The following RALGAPA1 variants were observed in gnomAD, a reference collection of about 807,000 sequenced individuals.
RALGAPA1 encodes the protein Ral GTPase activating protein catalytic subunit alpha 1.
RALGAPA1 carries 52 observed loss-of-function variants against 269.6 expected under a neutral mutation model. The observed-to-expected ratio is 0.19, with a 90% CI of 0.15 to 0.24. The LOEUF (loss-of-function observed/expected upper bound fraction) is 0.24, where lower values mean the gene tolerates loss of function less well. RALGAPA1 is among the 10% of genes least tolerant of loss of function. RALGAPA1 has a pLI of 1.00. For missense variants in RALGAPA1, 1,917 were observed against 3,013.9 expected (o/e 0.64, Z 8.52); for synonymous variants, 817 against 1,008.3 (o/e 0.81, Z 3.60).
chr14:35,597,955 G>A (rs947843695), intron 36 of RALGAPA1, among the ~76,000 whole-genome samples: 4 of 152,244 alleles, frequency 2.6e-5, no homozygotes, highest in African/African-American at 9.6e-5. Flanking sequence ...ATCTGTCTTG[G>A]TATATGTTCT....
In RALGAPA1 at chr14:35,761,140, TGAG is replaced by T. The variant is rs576311222; in HGVS notation, c.370-137_370-135del. ...GCAGGGTAGGGAAGGAAGGGGAAGT[TGAG>T]GAGAAGAGAGACAGCATCTATTGAA... On this transcript the variant is annotated intron_variant, in intron 5 of 41. Coordinates refer to ENST00000680220, the MANE Select transcript of RALGAPA1 (RefSeq NM_001346249.2). The T allele has an allele frequency of 3.1e-4, 179 of 576,392 alleles. No individual in the cohort carries two copies. The African/African-American group carries it at 3.1e-3, about 10-fold the overall frequency. 35.7% of individuals were successfully genotyped at this position (576,392 alleles called of 1,614,324 possible).
intron 26 of RALGAPA1, among the ~76,000 whole-genome samples, chr14:35,670,639 T>G (rs1435353472): frequency 2.0e-5 from 3 of 152,118 alleles, no homozygotes; most frequent in Non-Finnish European, 4.4e-5. Context: ...GAGAGTTTAC[T>G]CCTGGCTGGG....
Position 35,627,778 on chromosome 14 carries a change from G to C in RALGAPA1, c.6169C>G (p.Leu2057Val). ...AACTGGATATTTGGACTCTCAAAGA[G>C]TTCAGGAGAAAGTTCAGTACTTTCA... ...YSESTELSPE[L>V]FESPNIQFFV... Residue 2057 changes from leucine (L) to valine (V), a missense_variant, in exon 34 of 42, where the codon CTC becomes GTC. Transcript: ENST00000680220. 6.2e-7 allele frequency: 1 copy of C among 1,610,176 alleles called. No homozygotes were observed. Among genetic ancestry groups the C allele is most frequent in the Non-Finnish European group, 8.5e-7 (1 of 1,177,670 alleles).
intron 16 of RALGAPA1, 49 bp from the exon 17 acceptor site, chr14:35,700,351 C>A: frequency 2.1e-6 from 3 of 1,429,164 alleles, no homozygotes; most frequent in Non-Finnish European, 2.8e-6. Flanking sequence ...AGAAGAGTGA[C>A]TATAATGAAA....
chr14:35,705,291 T>C (rs1378554812), intron 16 of RALGAPA1, among the ~76,000 whole-genome samples: 1 of 152,150 alleles, frequency 6.6e-6, no homozygotes, highest in East Asian at 1.9e-4. Flanking sequence ...TTTCACATCT[T>C]TATTCTCTGT....
chr14:35,700,400 A>G, intron 16 of RALGAPA1, 98 bp from the exon 17 acceptor site: 1 of 893,024 alleles, frequency 1.1e-6, no homozygotes, highest in South Asian at 3.2e-5. Context: ...GAGAAAACTA[A>G]AAGGTACAAA....
intron 37 of RALGAPA1, among the ~76,000 whole-genome samples, chr14:35,593,870 A>G (rs1229571742): frequency 6.6e-6 from 1 of 151,684 alleles, no homozygotes; most frequent in African/African-American, 2.4e-5. Flanking sequence ...AAATAAATAA[A>G]ATATTATATT....
chr14:35,564,619 G>T (rs1339496119), intron 39 of RALGAPA1: 3 of 152,144 alleles, frequency 2.0e-5, no homozygotes, highest in African/African-American at 7.2e-5. Context: ...AATCTAAACA[G>T]ATTAGAAGAA....
intron 16 of RALGAPA1, among the ~76,000 whole-genome samples, chr14:35,705,177 A>G (rs938776254): frequency 2.0e-5 from 3 of 152,140 alleles, no homozygotes; most frequent in Admixed American, 6.5e-5. Flanking sequence ...GTATTGCTAA[A>G]GTCCATAGTT....
At chr14:35,654,591 T>G in intron 29 of RALGAPA1, 114 bp from the exon 30 acceptor site, 5 of 1,228,070 alleles carry the variant, frequency 4.1e-6, no homozygotes, top group Non-Finnish European at 5.4e-6. Context: ...ATCCTACATT[T>G]ATAGGTGATT....
intron 36 of RALGAPA1, among the ~76,000 whole-genome samples, chr14:35,599,523 T>C (rs549316424): frequency 2.0e-5 from 3 of 152,020 alleles, no homozygotes; most frequent in African/African-American, 4.8e-5. Flanking sequence ...GGTGGGAGGA[T>C]TGCCTGAGAA....
intron 16 of RALGAPA1, 80 bp from the exon 17 acceptor site, chr14:35,700,382 C>A: frequency 8.5e-7 from 1 of 1,175,272 alleles, no homozygotes; most frequent in Non-Finnish European, 1.1e-6. Context: ...ACAGAAAAAG[C>A]AGCAACAGAG....
At chr14:35,742,656 T>C in intron 10 of RALGAPA1, 91 bp from the exon 11 acceptor site, 1 of 914,684 alleles carries the variant, frequency 1.1e-6, no homozygotes, top group Non-Finnish European at 1.7e-6. Flanking sequence ...ACATCATAGA[T>C]TCTTGGAAAC....
At chr14:35,647,875 G>A (rs1341193468) in intron 31 of RALGAPA1, among the ~76,000 whole-genome samples, 2 of 152,112 alleles carry the variant, frequency 1.3e-5, no homozygotes, top group Admixed American at 1.3e-4. Flanking sequence ...TTGAACCTGG[G>A]AGGCGGAGGT....
chr14:35,648,875 C>A (rs2062636874), intron 31 of RALGAPA1, among the ~76,000 whole-genome samples: 1 of 152,192 alleles, frequency 6.6e-6, no homozygotes, highest in Admixed American at 6.5e-5. Flanking sequence ...TGATTACTCT[C>A]TCCTAGACCT....
At chr14:35,687,812 T>C (rs2066088752) in intron 18 of RALGAPA1, among the ~76,000 whole-genome samples, 1 of 152,182 alleles carries the variant, frequency 6.6e-6, no homozygotes, top group Non-Finnish European at 1.5e-5. Flanking sequence ...TTCAAGGACA[T>C]AACTTGCATT....
At chr14:35,782,173 T>A (rs1234463433) in intron 1 of RALGAPA1, among the ~76,000 whole-genome samples, 1 of 152,212 alleles carries the variant, frequency 6.6e-6, no homozygotes, top group African/African-American at 2.4e-5. Flanking sequence ...TGTATTTCTA[T>A]ACACTGGCAA....
intron 26 of RALGAPA1, among the ~76,000 whole-genome samples, chr14:35,666,830 G>A (rs1333059251): frequency 6.6e-6 from 1 of 152,066 alleles, no homozygotes; most frequent in Non-Finnish European, 1.5e-5. Context: ...AAAGCTGCAG[G>A]AAATGTGCTG....
intron 33 of RALGAPA1, among the ~76,000 whole-genome samples, chr14:35,629,522 G>A (rs1023711923): frequency 3.3e-5 from 5 of 151,788 alleles, no homozygotes; most frequent in African/African-American, 1.2e-4. Flanking sequence ...TTTTATTTTT[G>A]AGATGGAGTC....
Sources: gnomAD v4.1 joint callset for allele counts (sites outside exome capture counted in the v4.1 genomes callset) on GRCh38, gnomAD v4.1.1 for gene constraint, MANE v1.5 for transcripts, NCBI Gene and HGNC (gene_info 2026-07-23, HGNC 2026-07-21) for gene names.